CR1: variants seen among roughly 807,000 people sequenced by gnomAD.
CR1 encodes complement receptor type 1.
A neutral mutation model predicts 187.3 loss-of-function variants in CR1; 116 were observed. The observed-to-expected ratio is 0.62, with a 90% CI of 0.53 to 0.72. CR1 has a LOEUF of 0.72. Ranked by LOEUF, CR1 falls within the 30% of genes least tolerant of loss-of-function variation. The pLI is 0.00. For missense variants in CR1, 1,731 were observed against 2,110.7 expected (o/e 0.82, Z 3.52); for synonymous variants, 576 against 747.1 (o/e 0.77, Z 3.73).
intron 31 of CR1, among the ~76,000 whole-genome samples, chr1:207,581,177 T>TGTAC (rs1409762187): frequency 2.6e-4 from 38 of 148,638 alleles, no homozygotes; most frequent in African/African-American, 9.9e-4. Flanking sequence ...TGTGTATACA[T>TGTAC]ATGTGTATAC....
At chr1:207,504,276 TGTTTTATTTGTCCCACAAATAAA>T (rs1479267387) in intron 1 of CR1, among the ~76,000 whole-genome samples, 1 of 152,236 alleles carries the variant, frequency 6.6e-6, no homozygotes, top group East Asian at 1.9e-4. Flanking sequence ...ATGTTATTTG[TGTTTTATTTGTCCCACAAATAAA>T]GTAAACAAAG....
At chr1:207,617,667 T>A (rs1662188076) in intron 41 of CR1, among the ~76,000 whole-genome samples, 1 of 94,902 alleles carries the variant, frequency 1.1e-5, no homozygotes, top group Non-Finnish European at 2.5e-5. Context: ...AGAGAGATTG[T>A]ACTCTTAGCC....
At chr1:207,515,026 C>CAT (rs71570063) in intron 4 of CR1, among the ~76,000 whole-genome samples, 18 of 141,724 alleles carry the variant, frequency 1.3e-4, no homozygotes, top group Non-Finnish European at 2.4e-4. Context: ...CACACACACA[C>CAT]ATATATACAT....
chr1:207,496,742 G>A (rs1184824644), intron 1 of CR1, among the ~76,000 whole-genome samples: 1 of 152,222 alleles, frequency 6.6e-6, no homozygotes, highest in African/African-American at 2.4e-5. Context: ...CCTAGTGAAA[G>A]GGAACTTGGG....
chr1:207,525,374 G>T (rs1458219373), intron 5 of CR1, among the ~76,000 whole-genome samples: 2 of 151,928 alleles, frequency 1.3e-5, no homozygotes, highest in Non-Finnish European at 2.9e-5. Context: ...CTACAGCACA[G>T]GAGCCTGGAG....
intron 42 of CR1, 64 bp downstream of exon 42, chr1:207,618,311 G>A: frequency 1.4e-6 from 2 of 1,444,264 alleles, no homozygotes; most frequent in Non-Finnish European, 9.5e-7. Flanking sequence ...GGCTTGTAAG[G>A]CTGAGAGACA....
At chr1:207,637,945 T>C (rs946157838) in intron 46 of CR1, among the ~76,000 whole-genome samples, 1 of 152,232 alleles carries the variant, frequency 6.6e-6, no homozygotes, top group Admixed American at 6.5e-5. Context: ...TGTCTTATTT[T>C]TATTATCTTT....
At chr1:207,511,312 C>T (rs956691840) in intron 3 of CR1, among the ~76,000 whole-genome samples, 1 of 152,092 alleles carries the variant, frequency 6.6e-6, no homozygotes, top group Non-Finnish European at 1.5e-5. Context: ...GGAAAAACTA[C>T]AATTCATCTT....
rs1382155228 is a variant in CR1 at position 207,623,580 on chromosome 1, A to ACCAAGATTGTTGTAG, written c.7352+512_7352+513insCCAAGATTGTTGTAG. On this transcript the variant is annotated intron_variant, in intron 45 of 46. Coordinates refer to ENST00000367049, the MANE Select transcript of CR1 (RefSeq NM_000651.6). ...AGCCTGGGTGACAGAGTGAGACTAC[A>ACCAAGATTGTTGTAG]TCTCAAAACACACACACACACACAC... 1.0e-3 allele frequency among the ~76,000 whole-genome samples: 149 copies of ACCAAGATTGTTGTAG among 143,826 alleles called. 1 individual carries two copies. The highest frequency in any genetic ancestry group is 1.6e-3 in the Non-Finnish European group (106 of 66,596). 94.4% of individuals were successfully genotyped at this position (143,826 alleles called of 152,430 possible).
intron 1 of CR1, among the ~76,000 whole-genome samples, chr1:207,504,541 A>G (rs1032004043): frequency 6.6e-6 from 1 of 152,178 alleles, no homozygotes; most frequent in African/African-American, 2.4e-5. Flanking sequence ...AAAATCAGTA[A>G]AGTATCTAGA....
intron 42 of CR1, among the ~76,000 whole-genome samples, chr1:207,619,674 T>C (rs1558274064): frequency 6.6e-6 from 1 of 152,178 alleles, no homozygotes; most frequent in African/African-American, 2.4e-5. Context: ...GTACATTCCA[T>C]ATTCTATTAC....
intron 5 of CR1, among the ~76,000 whole-genome samples, chr1:207,526,107 G>A (rs144863765): frequency 6.0e-4 from 91 of 152,182 alleles, no homozygotes; most frequent in African/African-American, 2.1e-3. Context: ...CATGGTGACA[G>A]TAGGTCTTTC....
chr1:207,511,645 A>G lies in CR1; in HGVS notation c.478A>G (p.Ile160Val), dbSNP rs769933207. 7 of 1,612,560 alleles carry G rather than the reference A, an allele frequency of 4.3e-6. No individual in the cohort carries two copies. Among genetic ancestry groups the G allele is most frequent in the Non-Finnish European group, 5.9e-6 (7 of 1,178,804 alleles). The change falls in exon 4 of 47, where the codon ATT (isoleucine) becomes GTT (valine). Residue 160 changes from isoleucine (I) to valine (V), a missense_variant. Physicochemically the swap from Ile to Val is conservative, Grantham distance 29. This residue lies in a region of CR1 where 237 missense variants were observed against 240.4 expected (regional missense o/e 0.99). Transcript: ENST00000367049. ...DTVIWDNETP[I>V]CDRIPCGLPP... ...TGTCATTTGGGATAATGAAACACCT[A>G]TTTGTGACAGTGAGTTGAAATATCC...
intron 35 of CR1, among the ~76,000 whole-genome samples, chr1:207,592,432 A>G (rs1428333073): frequency 4.6e-5 from 7 of 152,358 alleles, no homozygotes; most frequent in Admixed American, 2.0e-4. Flanking sequence ...CTAGGTATTG[A>G]TGGAATATGT....
intron 40 of CR1, among the ~76,000 whole-genome samples, chr1:207,615,135 G>A (rs1420092917): frequency 8.6e-5 from 13 of 152,014 alleles, no homozygotes; most frequent in East Asian, 5.8e-4. Context: ...TTATCCCCTC[G>A]CATATCATAA....
intron 36 of CR1, among the ~76,000 whole-genome samples, chr1:207,608,593 G>A (rs996298905): frequency 6.6e-6 from 1 of 152,050 alleles, no homozygotes; most frequent in African/African-American, 2.4e-5. Context: ...TATCTGCCAA[G>A]AACTTGAAAT....
chr1:207,599,783 A>G (rs949454252), intron 35 of CR1, among the ~76,000 whole-genome samples: 34 of 152,376 alleles, frequency 2.2e-4, no homozygotes, highest in African/African-American at 7.9e-4. Context: ...GAGATATCCT[A>G]TACACATATG....
At chr1:207,525,462 C>A (rs1322967640) in intron 5 of CR1, among the ~76,000 whole-genome samples, 1 of 152,026 alleles carries the variant, frequency 6.6e-6, no homozygotes, top group Non-Finnish European at 1.5e-5. Context: ...GCCACCACTG[C>A]TGCCAGAATG....
intron 31 of CR1, among the ~76,000 whole-genome samples, chr1:207,581,101 A>C (rs1046023388): frequency 2.0e-5 from 3 of 147,504 alleles, no homozygotes; most frequent in Non-Finnish European, 4.4e-5. Context: ...TGAAAAAAAA[A>C]GTGTGTATAT....
Sources: allele counts gnomAD v4.1 joint callset (sites outside exome capture counted in the v4.1 genomes callset), GRCh38; gene constraint gnomAD v4.1.1; regional missense constraint gnomAD v4.1.1; transcripts MANE v1.5; gene names NCBI Gene and HGNC (gene_info 2026-07-23, HGNC 2026-07-21).